Variants in TRIM5 observed in about 807,000 individuals in gnomAD.
TRIM5 encodes tripartite motif containing 5.
In TRIM5, 31 loss-of-function variants were observed where a neutral mutation model predicts 35.6. The observed-to-expected ratio is 0.87, with a 90% CI of 0.65 to 1.18. The LOEUF (loss-of-function observed/expected upper bound fraction) is 1.18, where lower values mean the gene tolerates loss of function less well. Ranked by LOEUF, TRIM5 falls within the 50% of genes most tolerant of loss-of-function variation. TRIM5 has a pLI of 0.00. For synonymous variants in TRIM5, 243 were observed against 215.6 expected, an observed-to-expected ratio of 1.13 and a Z score of -1.11; for missense variants, 609 against 591.6, an observed-to-expected ratio of 1.03 and a Z score of -0.31.
chr11:5,629,147 T>C, the TRIM5 span, among the ~76,000 whole-genome samples: 2 of 152,096 alleles, frequency 1.3e-5, no homozygotes, highest in African/African-American at 4.8e-5. Flanking sequence ...CGTGGTGGCA[T>C]ACACCTGTAA....
the TRIM5 span, among the ~76,000 whole-genome samples, chr11:5,606,115 G>A: frequency 6.6e-6 from 1 of 152,206 alleles, no homozygotes; most frequent in African/African-American, 2.4e-5. Flanking sequence ...TTTGCCAAGT[G>A]CTTCTTACCC....
At chr11:5,615,097 A>T in the TRIM5 span, among the ~76,000 whole-genome samples, 1 of 151,964 alleles carries the variant, frequency 6.6e-6, no homozygotes, top group African/African-American at 2.4e-5. Flanking sequence ...TCTTTTTGTT[A>T]TTGGTTTATA....
chr11:5,656,594 T>A, the TRIM5 span, among the ~76,000 whole-genome samples: 1 of 152,138 alleles, frequency 6.6e-6, no homozygotes, highest in African/African-American at 2.4e-5. Flanking sequence ...CCTTAGGTGA[T>A]CCGCCCACCT....
chr11:5,657,606 A>T, the TRIM5 span, among the ~76,000 whole-genome samples: 1 of 105,046 alleles, frequency 9.5e-6, no homozygotes, highest in Non-Finnish European at 1.8e-5. Context: ...TATAATATAT[A>T]TTTATATATT....
the TRIM5 span, among the ~76,000 whole-genome samples, chr11:5,652,961 T>G: frequency 6.6e-6 from 1 of 151,936 alleles, no homozygotes; most frequent in Non-Finnish European, 1.5e-5. Context: ...CATGCCATTC[T>G]CCTGCCTCAG....
chr11:5,604,315 G>T, the TRIM5 span, among the ~76,000 whole-genome samples: 1 of 152,154 alleles, frequency 6.6e-6, no homozygotes, highest in African/African-American at 2.4e-5. Flanking sequence ...GTGCTTTGTG[G>T]TCAGGCACCT....
At chr11:5,668,057 T>C (rs1304880110) in intron 4 of TRIM5, among the ~76,000 whole-genome samples, 1 of 152,154 alleles carries the variant, frequency 6.6e-6, no homozygotes, top group Non-Finnish European at 1.5e-5. Context: ...CTTTGATTTA[T>C]TAAACAGATG....
chr11:5,641,089 C>T, the TRIM5 span: 1,385,895 of 1,455,626 alleles, frequency 0.95, 660,596 homozygotes, highest in East Asian at 1. Context: ...CATTTTTTTT[C>T]CTACTGTTCT....
At chr11:5,657,424 C>T in the TRIM5 span, among the ~76,000 whole-genome samples, 1 of 147,884 alleles carries the variant, frequency 6.8e-6, no homozygotes, top group East Asian at 2.0e-4. Flanking sequence ...CAAACCTGCA[C>T]GTTCTGCACA....
chr11:5,653,775 G>T, the TRIM5 span, among the ~76,000 whole-genome samples: 3 of 152,092 alleles, frequency 2.0e-5, no homozygotes, highest in Non-Finnish European at 4.4e-5. Context: ...ACAGGTGTGA[G>T]CCACCACGCC....
At chr11:5,662,722 T>G (rs57726134), downstream of TRIM5, among the ~76,000 whole-genome samples, 340 of 152,324 alleles carry the variant, frequency 2.2e-3, no homozygotes, top group African/African-American at 6.9e-3. Flanking sequence ...GATTTTTAAC[T>G]TAGTTCTTGT....
the TRIM5 span, among the ~76,000 whole-genome samples, chr11:5,622,104 T>G: frequency 1.3e-5 from 2 of 152,164 alleles, no homozygotes; most frequent in Admixed American, 6.5e-5. Flanking sequence ...ATTAAAGACA[T>G]AGCATAGTTG....
At chr11:5,649,437 A>G in the TRIM5 span, among the ~76,000 whole-genome samples, 5 of 152,126 alleles carry the variant, frequency 3.3e-5, no homozygotes, top group South Asian at 8.3e-4. Flanking sequence ...AGGGCACAAT[A>G]ATATTAAGAG....
the TRIM5 span, among the ~76,000 whole-genome samples, chr11:5,627,830 G>A: frequency 1.3e-5 from 2 of 152,170 alleles, no homozygotes; most frequent in African/African-American, 4.8e-5. Flanking sequence ...ATATTGTCTA[G>A]AAACTTCAAA....
the TRIM5 span, among the ~76,000 whole-genome samples, chr11:5,622,552 AG>A: frequency 1.3e-5 from 2 of 152,084 alleles, no homozygotes; most frequent in South Asian, 2.1e-4. Context: ...TGGGAGGCGG[AG>A]GTTGCGGTGA....
In TRIM5 at chr11:5,685,066, G is replaced by T. The variant is rs1852908838; in HGVS notation, c.-260C>A. 6.6e-6 allele frequency: 1 copy of T among 152,196 alleles called. No homozygotes were observed. The highest frequency in any genetic ancestry group is 2.1e-4 in the South Asian group (1 of 4,836). 9.4% of individuals were successfully genotyped at this position (152,196 alleles called of 1,614,324 possible). A position where few individuals can be genotyped will look rare whatever the true frequency, so the allele number is the denominator to read the frequency against. ...AGGAATTTTCCTAGAGGAACCGCAG[G>T]AAATTCTTGCTCACACTCAGGGCAG... On this transcript the variant is annotated 5_prime_UTR_variant, in exon 1 of 8. Coordinates refer to ENST00000380034, the MANE Select transcript of TRIM5 (RefSeq NM_033034.3).
the TRIM5 span, among the ~76,000 whole-genome samples, chr11:5,594,946 C>G: frequency 6.6e-6 from 1 of 152,122 alleles, no homozygotes; most frequent in Non-Finnish European, 1.5e-5. Flanking sequence ...ATACCTAAAA[C>G]CGTTGTGAAG....
At chr11:5,671,657 A>C (rs1268960815) in intron 4 of TRIM5, among the ~76,000 whole-genome samples, 3 of 152,094 alleles carry the variant, frequency 2.0e-5, no homozygotes, top group Non-Finnish European at 4.4e-5. Flanking sequence ...AAGACTTAAG[A>C]AATAAAAAGA....
intron 1 of TRIM5, among the ~76,000 whole-genome samples, chr11:5,683,350 C>G (rs4329717): frequency 0.9 from 137,469 of 152,168 alleles, 62,715 homozygotes; most frequent in Non-Finnish European, 0.97. Context: ...GGATCCACTG[C>G]GTGAAGCCAG....
Sources: allele counts gnomAD v4.1 joint callset (sites outside exome capture counted in the v4.1 genomes callset), GRCh38; gene constraint gnomAD v4.1.1; transcripts MANE v1.5; gene names NCBI Gene and HGNC (gene_info 2026-07-23, HGNC 2026-07-21).